RIGI: variants seen among roughly 807,000 people sequenced by gnomAD.
RIGI encodes the protein antiviral innate immune response receptor RIG-I.
chr9:32,500,669 C>T, the RIGI span: 2 of 1,024,280 alleles, frequency 2.0e-6, no homozygotes, highest in Admixed American at 2.6e-5. Flanking sequence ...TGCCTAAAAA[C>T]AGTCTTTACA....
At chr9:32,476,886 T>G in the RIGI span, 3 of 1,076,820 alleles carry the variant, frequency 2.8e-6, no homozygotes, top group South Asian at 3.7e-5. Context: ...TTTCCCAAAC[T>G]TCTGGGATTA....
the RIGI span, among the ~76,000 whole-genome samples, chr9:32,486,659 C>T: frequency 1.3e-5 from 2 of 151,214 alleles, no homozygotes; most frequent in Admixed American, 6.6e-5. Flanking sequence ...AAAGGAAGCA[C>T]AGACAAAAGG....
the RIGI span, chr9:32,473,074 G>A: frequency 6.3e-7 from 1 of 1,584,684 alleles, no homozygotes; most frequent in Middle Eastern, 1.7e-4. Context: ...GCCTGAAAAT[G>A]AAAAGCAATT....
the RIGI span, among the ~76,000 whole-genome samples, chr9:32,479,882 G>A: frequency 2.0e-5 from 3 of 147,016 alleles, no homozygotes; most frequent in South Asian, 2.1e-4. Flanking sequence ...TTTTAATATC[G>A]TTAAAACACT....
the RIGI span, among the ~76,000 whole-genome samples, chr9:32,481,186 C>A: frequency 1.3e-5 from 2 of 152,146 alleles, no homozygotes; most frequent in African/African-American, 4.8e-5. Context: ...TTGAATGGGA[C>A]AACTTTTGGA....
At chr9:32,506,937 A>G in the RIGI span, among the ~76,000 whole-genome samples, 1 of 152,242 alleles carries the variant, frequency 6.6e-6, no homozygotes, top group Admixed American at 6.5e-5. Context: ...ATCTTAAAAT[A>G]TATAATATGT....
the RIGI span, among the ~76,000 whole-genome samples, chr9:32,465,360 T>G: frequency 4.6e-5 from 7 of 152,322 alleles, no homozygotes; most frequent in African/African-American, 1.7e-4. Context: ...GTCAATACTT[T>G]TTGGAGCACA....
chr9:32,524,088 G>C, the RIGI span, among the ~76,000 whole-genome samples: 1 of 151,944 alleles, frequency 6.6e-6, no homozygotes, highest in African/African-American at 2.4e-5. Context: ...GTGCCCTTTG[G>C]ACTCTAGTAG....
chr9:32,499,423 G>A, the RIGI span, among the ~76,000 whole-genome samples: 1 of 146,966 alleles, frequency 6.8e-6, no homozygotes, highest in Non-Finnish European at 1.5e-5. Flanking sequence ...ATAAAAGTTA[G>A]CGTTTGTTTT....
the RIGI span, among the ~76,000 whole-genome samples, chr9:32,479,000 A>G: frequency 6.6e-6 from 1 of 152,258 alleles, no homozygotes; most frequent in African/African-American, 2.4e-5. Flanking sequence ...GTTCAGCAAA[A>G]AATTGCTTGC....
chr9:32,464,053 G>A, the RIGI span, among the ~76,000 whole-genome samples: 227 of 151,524 alleles, frequency 1.5e-3, 1 homozygote, highest in Non-Finnish European at 2.9e-3. Flanking sequence ...ATTCTGGGGC[G>A]GGGGATGGGG....
the RIGI span, chr9:32,476,892 G>T: frequency 1.8e-6 from 2 of 1,120,492 alleles, no homozygotes; most frequent in Non-Finnish European, 2.5e-6. Context: ...AAACTTCTGG[G>T]ATTACAGGCG....
At chr9:32,467,281 C>A in the RIGI span, among the ~76,000 whole-genome samples, 3 of 152,072 alleles carry the variant, frequency 2.0e-5, no homozygotes, top group African/African-American at 7.2e-5. Flanking sequence ...TGTTTCAATA[C>A]AAGGAAGTGA....
chr9:32,467,757 C>G, the RIGI span: 1 of 1,568,130 alleles, frequency 6.4e-7, no homozygotes, highest in Non-Finnish European at 8.7e-7. Flanking sequence ...CAAAGCTTCT[C>G]TTACCTCTGG....
the RIGI span, among the ~76,000 whole-genome samples, chr9:32,518,395 A>G: frequency 2.6e-3 from 396 of 151,692 alleles, 1 homozygote; most frequent in African/African-American, 8.9e-3. Context: ...AAAAAAAAAA[A>G]AAGAAGAAGA....
the RIGI span, chr9:32,456,896 T>C: frequency 2.1e-6 from 1 of 487,228 alleles, no homozygotes; most frequent in African/African-American, 1.9e-5. Context: ...AATGAGGCTT[T>C]TTAATTTTTC....
the RIGI span, among the ~76,000 whole-genome samples, chr9:32,480,018 AATGGT>A: frequency 6.6e-6 from 1 of 152,124 alleles, no homozygotes; most frequent in South Asian, 2.1e-4. Flanking sequence ...CTAAATAGGG[AATGGT>A]ATAAGCAACA....
the RIGI span, among the ~76,000 whole-genome samples, chr9:32,483,879 C>T: frequency 6.6e-6 from 1 of 152,066 alleles, no homozygotes; most frequent in African/African-American, 2.4e-5. Flanking sequence ...CTGAAACACA[C>T]CTTATCACCC....
At chr9:32,493,803 C>T in the RIGI span, 5 of 1,607,006 alleles carry the variant, frequency 3.1e-6, no homozygotes, top group African/African-American at 6.7e-5. Flanking sequence ...AACATTCAGA[C>T]AGATCAGAAA....
Sources: gnomAD v4.1 joint callset for allele counts (sites outside exome capture counted in the v4.1 genomes callset) on GRCh38, gnomAD v4.1.1 for gene constraint, MANE v1.5 for transcripts, NCBI Gene and HGNC (gene_info 2026-07-23, HGNC 2026-07-21) for gene names.